Variants in TNK2 observed in about 807,000 individuals in gnomAD.
TNK2 encodes the protein activated CDC42 kinase 1.
Under a neutral mutation model 101.8 loss-of-function variants are expected in TNK2, and 83 were observed. The ratio of observed to expected loss-of-function variants is 0.82; its 90% CI spans 0.68 to 0.98. The LOEUF is 0.98. Ranked by LOEUF, TNK2 falls within the 50% of genes least tolerant of loss-of-function variation. TNK2 has a pLI of 0.00. For missense variants in TNK2, 1,665 were observed against 1,483.2 expected (o/e 1.12, Z -2.01); for synonymous variants, 804 against 633.0 (o/e 1.27, Z -4.06).
chr3:195,866,927 G>C lies in TNK2; in HGVS notation c.3123C>G (p.Gly1041=). 1 of 1,612,312 alleles carries C rather than the reference G, an allele frequency of 6.2e-7. No individual in the cohort carries two copies. The highest frequency in any genetic ancestry group is 8.5e-7 in the Non-Finnish European group (1 of 1,179,614). ...EMFDWNLEQA[G]CHLLGSWGPA... ...GGCCCCAGGAGCCCAGAAGGTGGCA[G>C]CCGGCCTGCTCCAGGTTCCAGTCGA... is the stretch of plus-strand genomic sequence containing the variant. Residue 1041 remains glycine, a synonymous_variant, in exon 15 of 16, where the codon GGC becomes GGG. Transcript: ENST00000672887.
chr3:195,864,362 T>A (rs1739113689), intron 15 of TNK2, among the ~76,000 whole-genome samples, 175 bp from the exon 16 acceptor site: 2 of 151,896 alleles, frequency 1.3e-5, no homozygotes, highest in African/African-American at 4.8e-5. Flanking sequence ...AAACTATGAG[T>A]AAACTAACAG....
chr3:195,892,229 C>T (rs1462378522), intron 1 of TNK2, among the ~76,000 whole-genome samples: 1 of 152,220 alleles, frequency 6.6e-6, no homozygotes, highest in Non-Finnish European at 1.5e-5. Flanking sequence ...CGTGCAAACA[C>T]ACAGGCCAAG....
intron 1 of TNK2, among the ~76,000 whole-genome samples, chr3:195,905,146 A>C (rs908361296): frequency 2.0e-5 from 3 of 152,220 alleles, no homozygotes; most frequent in African/African-American, 7.2e-5. Context: ...AGACAGACAA[A>C]TAGATCAATG....
At chr3:195,895,479 GCGGCCGGGTGGTCGCGCCCCTCCTCCTGC>G in intron 1 of TNK2, 1 of 1,367,156 alleles carries the variant, frequency 7.3e-7, no homozygotes, top group Non-Finnish European at 9.4e-7. Flanking sequence ...CCATCGGCCG[GCGGCCGGGTGGTCGCGCCCCTCCTCCTGC>G]CGGCCTGCGG....
At chr3:195,871,909 CGGAGAACCCTCCCCT>C (rs1335004986) in intron 10 of TNK2, among the ~76,000 whole-genome samples, 43 of 147,380 alleles carry the variant, frequency 2.9e-4, no homozygotes, top group Non-Finnish European at 3.9e-4. Flanking sequence ...GAACGCTCCC[CGGAGAACCCTCCCCT>C]GGAGAACCCT....
intron 9 of TNK2, chr3:195,876,792 GCCGCT>G: frequency 2.8e-6 from 1 of 361,688 alleles, no homozygotes; most frequent in South Asian, 2.0e-5. Context: ...CCCAGGAGCA[GCCGCT>G]CCCGGCCCCT....
intron 10 of TNK2, 69 bp from the exon 11 acceptor site, chr3:195,870,274 G>GC (rs1039566114): frequency 6.3e-7 from 1 of 1,588,560 alleles, no homozygotes; most frequent in African/African-American, 1.4e-5. Context: ...TCTCATCAGA[G>GC]CCCCTTCGTC....
rs1338721956 is a variant in TNK2, at chr3:195,878,868, T to C, written c.1014+181A>G. On this transcript the variant is annotated intron_variant, in intron 7 of 15. Transcript: ENST00000672887. The surrounding 1 kb of genome is among the most constrained non-coding windows in gnomAD (Gnocchi z 4.7). ...CTTTGCTGGGCTCTCCCTGAGGCCA[T>C]ACAGATACGGGGCGTGAGAGGAGAC... Among the ~76,000 whole-genome samples the C allele has an allele frequency of 6.6e-6, 1 of 152,028 alleles. No individual in the cohort carries two copies. The highest frequency in any genetic ancestry group is 1.5e-5 in the Non-Finnish European group (1 of 68,006).
rs1209265078 is a variant in TNK2 at position 195,878,341 on chromosome 3, G to A, written c.1168C>T (p.Pro390Ser). ...TCCTGAAGGGCCCGCATGTCTGTGG[G>A]CTGGGCCTGGAGGAAGAGGAAGGTC... ...ALRDFLLEAQ[P>S]TDMRALQDFE... Residue 390 changes from proline to serine, a missense_variant, in exon 9 of 16, where the codon CCC becomes TCC. This residue lies in a region of TNK2 where 39 missense variants were observed against 65.8 expected (regional missense o/e 0.59). Coordinates refer to ENST00000672887, the MANE Select transcript of TNK2 (RefSeq NM_001382273.1). This position sits in a 1 kb window ranked among gnomAD's most constrained non-coding sequence, Gnocchi z 4.7. The A allele has an allele frequency of 5.0e-6, 8 of 1,613,996 alleles. No individual in the cohort carries two copies. Among genetic ancestry groups the A allele is most frequent in the African/African-American group, 1.3e-5 (1 of 74,924 alleles).
In TNK2 at chr3:195,868,601, G is replaced by A. The variant is rs779066289; in HGVS notation, c.1697C>T (p.Pro566Leu). The part of the protein sequence containing the change: ...GLPRGLWLAK[P>L]SARVPGTKAS... ...CTTGGTGCCCGGCACCCGCGCCGAG[G>A]GCTTCGCCAGCCACAGCCCTCGGGG... The change falls in exon 13 of 16, where the codon CCC becomes CTC. Residue 566 changes from proline to leucine, a missense_variant. By Grantham distance (98) the Pro-to-Leu change is moderately conservative. This residue lies in a region of TNK2 where 1,136 missense variants were observed against 894.9 expected (regional missense o/e 1.27). Coordinates refer to ENST00000672887, the MANE Select transcript of TNK2 (RefSeq NM_001382273.1). 6 of 1,581,656 alleles carry A rather than the reference G, an allele frequency of 3.8e-6. No homozygotes were observed. The highest frequency in any genetic ancestry group is 2.3e-5 in the East Asian group (1 of 43,576).
intron 5 of TNK2, 88 bp downstream of exon 5, chr3:195,883,069 C>T: frequency 6.5e-7 from 1 of 1,530,230 alleles, no homozygotes; most frequent in Non-Finnish European, 8.8e-7. Flanking sequence ...TAGGGCGCCT[C>T]TGACCTTAGG....
At chr3:195,901,744 C>A (rs1185728548) in intron 1 of TNK2, among the ~76,000 whole-genome samples, 1 of 152,202 alleles carries the variant, frequency 6.6e-6, no homozygotes, top group East Asian at 1.9e-4. Context: ...CAGATTATCC[C>A]CACTTTACAA....
At chr3:195,864,877 A>G (rs1315576231) in intron 15 of TNK2, among the ~76,000 whole-genome samples, 112 of 84,340 alleles carry the variant, frequency 1.3e-3, no homozygotes, top group Middle Eastern at 0.026. Context: ...AGGTGACAGC[A>G]AGTGCCTGCG....
intron 2 of TNK2, among the ~76,000 whole-genome samples, chr3:195,887,518 T>G (rs187621506): frequency 1.3e-4 from 20 of 152,326 alleles, no homozygotes; most frequent in East Asian, 3.9e-4. Context: ...ACTAAGTCAG[T>G]GTCTAACTTG....
rs766944061 is a variant in TNK2 at position 195,868,055 on chromosome 3, C to G, written c.2243G>C (p.Gly748Ala). The G allele has an allele frequency of 1.2e-5, 19 of 1,598,968 alleles. No homozygotes were observed. Among genetic ancestry groups the G allele is most frequent in the Non-Finnish European group, 1.3e-5 (15 of 1,175,458 alleles). ...AGGAGGCACCTGGGGCTTGTCGTCACCCCCCGGGCTGGGAGAGGGGGCCGG... is the reference window on the plus strand; with the variant it reads ...AGGAGGCACCTGGGGCTTGTCGTCAGCCCCCGGGCTGGGAGAGGGGGCCGG... ...GSPAPSPSPG[G>A]DDKPQVPPRV... The change falls in exon 13 of 16, where the codon GGT becomes GCT. Residue 748 changes from glycine to alanine, a missense_variant. By Grantham distance (60) the Gly-to-Ala change is moderately conservative (BLOSUM62 0). Coordinates refer to ENST00000672887, the MANE Select transcript of TNK2 (RefSeq NM_001382273.1).
chr3:195,875,669 G>A (rs1424264875), intron 9 of TNK2, among the ~76,000 whole-genome samples: 4 of 151,258 alleles, frequency 2.6e-5, no homozygotes, highest in Admixed American at 6.6e-5. Flanking sequence ...TCTCTCTCCC[G>A]CCATGAACAG....
intron 9 of TNK2, chr3:195,872,707 A>G (rs1746284555): frequency 2.0e-6 from 1 of 511,640 alleles, no homozygotes; most frequent in African/African-American, 2.0e-5. Context: ...AGCTTTCCCT[A>G]TGGTTTGCAA....
intron 9 of TNK2, 71 bp from the exon 10 acceptor site, chr3:195,872,541 A>T (rs1483563706): frequency 1.4e-6 from 2 of 1,454,468 alleles, no homozygotes; most frequent in East Asian, 4.8e-5. Flanking sequence ...CCCTCCTCAC[A>T]CCCTGGCCAC....
In TNK2 at chr3:195,863,634, GGCCAGCCAA is replaced by G. The variant is rs1738767263; in HGVS notation, c.*538_*546del. ...GCTATTTCCAGGCACAAGATCCTGA[GGCCAGCCAA>G]GTCCCATTCAAGTCCATGGTAAGGC... On this transcript the variant is annotated 3_prime_UTR_variant, in exon 16 of 16. Coordinates refer to ENST00000672887, the MANE Select transcript of TNK2 (RefSeq NM_001382273.1). 6.5e-6 allele frequency: 1 copy of G among 153,412 alleles called. No individual in the cohort carries two copies. The highest frequency in any genetic ancestry group is 2.1e-4 in the South Asian group (1 of 4,854). The allele number at this position is 153,412 out of a possible 1,614,324, so 9.5% of individuals were successfully genotyped here.
Sources: gnomAD v4.1 joint callset for allele counts (sites outside exome capture counted in the v4.1 genomes callset) on GRCh38, gnomAD v4.1.1 for gene constraint, gnomAD v4.1.1 regional missense constraint, Gnocchi (gnomAD v3.1) non-coding constraint, MANE v1.5 for transcripts, NCBI Gene and HGNC (gene_info 2026-07-23, HGNC 2026-07-21) for gene names.